Variants in PNPLA8 observed in about 807,000 individuals in gnomAD.
PNPLA8 encodes calcium-independent phospholipase A2-gamma.
PNPLA8 carries 39 observed loss-of-function variants against 76.9 expected under a neutral mutation model. The ratio of observed to expected loss-of-function variants is 0.51; its 90% CI spans 0.39 to 0.66. The LOEUF is 0.66. PNPLA8 is among the 30% of genes least tolerant of loss of function. The pLI is 0.00. For synonymous variants in PNPLA8, 301 were observed against 307.9 expected (o/e 0.98, Z 0.24); for missense variants, 887 against 918.0 (o/e 0.97, Z 0.44).
intron 6 of PNPLA8, 38 bp from the exon 7 acceptor site, chr7:108,496,793 T>G (rs1012479281): frequency 8.3e-6 from 12 of 1,443,262 alleles, no homozygotes; most frequent in Non-Finnish European, 1.1e-5. Context: ...CAGTGTTAAG[T>G]TATAGCCCTT....
chr7:108,487,322 A>AT (rs1563942318), intron 9 of PNPLA8, among the ~76,000 whole-genome samples: 1 of 152,194 alleles, frequency 6.6e-6, no homozygotes, highest in African/African-American at 2.4e-5. Flanking sequence ...ACAGCACTAA[A>AT]TAAGTGTCTG....
chr7:108,512,091 G>A (rs1237742146), intron 4 of PNPLA8, among the ~76,000 whole-genome samples: 1 of 152,090 alleles, frequency 6.6e-6, no homozygotes, highest in Non-Finnish European at 1.5e-5. Context: ...ACAGACAACA[G>A]GACAGGATCT....
chr7:108,483,959 A>T (rs958468563), intron 9 of PNPLA8, among the ~76,000 whole-genome samples: 1 of 152,198 alleles, frequency 6.6e-6, no homozygotes, highest in Non-Finnish European at 1.5e-5. Context: ...TTAAACCTTA[A>T]ATTTTATATT....
rs1160033796 is a variant in PNPLA8, at chr7:108,471,210, CTTCTTTTTTTT to C, written c.*1180_*1190del. ...TAATAAGGTAAAACAAGCCTAACTT[CTTCTTTTTTTT>C]TTTTTTTTTTTTGAGATGGAGTCTC... On this transcript the variant is annotated 3_prime_UTR_variant, in exon 11 of 11. Coordinates refer to ENST00000257694, the MANE Select transcript of PNPLA8 (RefSeq NM_001256007.3). 1.4e-5 allele frequency: 2 copies of C among 140,266 alleles called. No homozygotes were observed. The highest frequency in any genetic ancestry group is 5.4e-5 in the African/African-American group (2 of 36,728). The allele number at this position is 140,266 out of a possible 1,614,324, so 8.7% of individuals were successfully genotyped here. A position where few individuals can be genotyped will look rare whatever the true frequency, so the allele number is the denominator to read the frequency against.
At chr7:108,518,508 G>T (rs1235501460) in intron 2 of PNPLA8, among the ~76,000 whole-genome samples, 1 of 151,902 alleles carries the variant, frequency 6.6e-6, no homozygotes, top group African/African-American at 2.4e-5. Context: ...GAACTTGGGG[G>T]ACTGCGTGTG....
intron 4 of PNPLA8, among the ~76,000 whole-genome samples, chr7:108,508,532 A>G (rs1862628839): frequency 2.3e-5 from 1 of 44,396 alleles, no homozygotes; most frequent in Admixed American, 2.6e-4. Context: ...AAGAGGATAC[A>G]AACAAATGGA....
At position 108,471,551 on chromosome 7, in the gene PNPLA8, G is replaced by A. The variant is rs1446132842; in HGVS notation, c.*850C>T. On this transcript the variant is annotated 3_prime_UTR_variant, in exon 11 of 11. Coordinates refer to ENST00000257694, the MANE Select transcript of PNPLA8 (RefSeq NM_001256007.3). ...ATTTTTAAGCATACTGCTGCCAGGT[G>A]TATTCAAAGGCTAAAGGGGAGCTAC... 1 of 152,074 alleles carries A rather than the reference G, an allele frequency of 6.6e-6. No individual in the cohort carries two copies. The highest frequency in any genetic ancestry group is 2.4e-5 in the African/African-American group (1 of 41,404). 9.4% of individuals were successfully genotyped at this position (152,074 alleles called of 1,614,324 possible).
At chr7:108,491,810 G>C (rs1464679603) in intron 7 of PNPLA8, among the ~76,000 whole-genome samples, 1 of 152,200 alleles carries the variant, frequency 6.6e-6, no homozygotes, top group African/African-American at 2.4e-5. Context: ...ACAGATTAAA[G>C]GCACAAAGGC....
rs569038263 is a variant in PNPLA8 at position 108,490,610 on chromosome 7, T to C, written c.1683+800A>G. Reference sequence around the variant, plus strand: ...TATCCTGGCTAACATGGTGAAACCCTGTCTCTACTAAAAAATACAAAAAAT... The same window carrying C: ...TATCCTGGCTAACATGGTGAAACCCCGTCTCTACTAAAAAATACAAAAAAT... On this transcript the variant is annotated intron_variant, in intron 8 of 10. Coordinates refer to ENST00000257694, the MANE Select transcript of PNPLA8 (RefSeq NM_001256007.3). 8.6e-4 allele frequency among the ~76,000 whole-genome samples: 131 copies of C among 152,084 alleles called. 2 individuals carry two copies. The South Asian group carries it at 0.025, about 29-fold the overall frequency.
chr7:108,510,783 T>A, intron 4 of PNPLA8: 1 of 1,601,684 alleles, frequency 6.2e-7, no homozygotes, highest in Non-Finnish European at 8.5e-7. Context: ...TATGGCATCA[T>A]CTGCATGGAG....
At chr7:108,518,882 A>G (rs1863548867) in intron 2 of PNPLA8, among the ~76,000 whole-genome samples, 1 of 151,728 alleles carries the variant, frequency 6.6e-6, no homozygotes, top group Admixed American at 6.6e-5. Flanking sequence ...CTGTTTGTTT[A>G]TTCTTATGAA....
At chr7:108,527,686 C>G (rs1291012112), upstream of PNPLA8, 1 of 152,076 alleles carries the variant, frequency 6.6e-6, no homozygotes, top group Admixed American at 6.6e-5. Flanking sequence ...TATCAAGGGT[C>G]GGGGATATTC....
At position 108,515,314 on chromosome 7, in the gene PNPLA8, T is replaced by G; in HGVS notation, c.178A>C (p.Thr60Pro). 1.2e-6 allele frequency: 2 copies of G among 1,612,438 alleles called. No homozygotes were observed. The highest frequency in any genetic ancestry group is 1.7e-6 in the Non-Finnish European group (2 of 1,179,444). The change falls in exon 3 of 11, where the codon ACC (threonine) becomes CCC (proline). Residue 60 changes from threonine to proline, a missense_variant. By Grantham distance (38) the Thr-to-Pro change is conservative (BLOSUM62 -1). Transcript: ENST00000257694. ...FHTNIIRCKW[T>P]KSEAHSCSKH... is the part of the protein sequence containing the mutation. ...CTGCAAGAATGTGCTTCACTTTTGGTCCATTTACATCTTATTATGTTTGTA... is the reference window on the plus strand; with the variant it reads ...CTGCAAGAATGTGCTTCACTTTTGGGCCATTTACATCTTATTATGTTTGTA...
At chr7:108,493,109 T>C (rs1861302313) in intron 7 of PNPLA8, among the ~76,000 whole-genome samples, 1 of 152,186 alleles carries the variant, frequency 6.6e-6, no homozygotes, top group African/African-American at 2.4e-5. Flanking sequence ...TAAATCATCA[T>C]TGTTTTAAGC....
intron 5 of PNPLA8, among the ~76,000 whole-genome samples, chr7:108,499,040 G>A (rs1044334248): frequency 2.7e-4 from 41 of 152,252 alleles, no homozygotes; most frequent in African/African-American, 9.6e-4. Flanking sequence ...CATTTGAGGA[G>A]AGTTAAGATA....
At chr7:108,520,346 C>T (rs1863647944) in intron 2 of PNPLA8, among the ~76,000 whole-genome samples, 1 of 152,128 alleles carries the variant, frequency 6.6e-6, no homozygotes. Flanking sequence ...AAGCCATGCT[C>T]TGTTTTCACT....
At position 108,515,463 on chromosome 7, in the gene PNPLA8, T is replaced by A. The variant is rs374392695; in HGVS notation, c.29A>T (p.Tyr10Phe). The A allele has an allele frequency of 3.9e-6, 6 of 1,557,812 alleles. No individual in the cohort carries two copies. Among genetic ancestry groups the A allele is most frequent in the Non-Finnish European group, 5.2e-6 (6 of 1,153,244 alleles). ...TCTTGCATTACTAAGGAGGTAAATATATATATCTACAGTCAGATTAATAGA... is the reference window on the plus strand; with the variant it reads ...TCTTGCATTACTAAGGAGGTAAATAAATATATCTACAGTCAGATTAATAGA... MSINLTVDI[Y>F]IYLLSNARSV... The change falls in exon 3 of 11, where the codon TAT becomes TTT. Residue 10 changes from tyrosine (Y) to phenylalanine (F), a missense_variant. Coordinates refer to ENST00000257694, the MANE Select transcript of PNPLA8 (RefSeq NM_001256007.3).
At chr7:108,508,860 G>T (rs1178448227) in intron 4 of PNPLA8, among the ~76,000 whole-genome samples, 5 of 141,394 alleles carry the variant, frequency 3.5e-5, no homozygotes, top group Non-Finnish European at 7.7e-5. Context: ...AGAGCCCTCA[G>T]AAATAACGCC....
chr7:108,511,464 C>CA, intron 4 of PNPLA8, among the ~76,000 whole-genome samples: 1 of 152,246 alleles, frequency 6.6e-6, no homozygotes, highest in East Asian at 1.9e-4. Context: ...ATGTTTAACT[C>CA]AATCAAGCCA....
Sources: gnomAD v4.1 joint callset for allele counts (sites outside exome capture counted in the v4.1 genomes callset) on GRCh38, gnomAD v4.1.1 for gene constraint, MANE v1.5 for transcripts, NCBI Gene and HGNC (gene_info 2026-07-23, HGNC 2026-07-21) for gene names.